Variants in RSAD2 observed in about 807,000 individuals in gnomAD.
The protein encoded by RSAD2 is S-adenosylmethionine-dependent nucleotide dehydratase RSAD2.
Under a neutral mutation model 37.7 loss-of-function variants are expected in RSAD2, and 38 were observed. The ratio of observed to expected loss-of-function variants is 1.01; its 90% CI spans 0.78 to 1.32. RSAD2 has a LOEUF of 1.32. RSAD2 is among the 40% of genes most tolerant of loss of function. The pLI is 0.00. For synonymous variants in RSAD2, 163 were observed against 157.4 expected, an observed-to-expected ratio of 1.04 and a Z score of -0.27; for missense variants, 428 against 437.5, an observed-to-expected ratio of 0.98 and a Z score of 0.19.
chr2:6,892,551 A>G (rs766132463), intron 4 of RSAD2, among the ~76,000 whole-genome samples: 1 of 152,190 alleles, frequency 6.6e-6, no homozygotes, highest in Non-Finnish European at 1.5e-5. Flanking sequence ...GCCGAGTGGT[A>G]GGTACTCATT....
At position 6,865,963 on chromosome 2, in the gene RSAD2, C is replaced by A. The variant is rs948303306; in HGVS notation, c.60C>A (p.Cys20Ter). The A allele has an allele frequency of 1.3e-5, 14 of 1,108,982 alleles. No homozygotes were observed. Among genetic ancestry groups the A allele is most frequent in the Admixed American group, 3.7e-5 (1 of 27,148 alleles). The allele number at this position is 1,108,982 out of a possible 1,614,324, so 68.7% of individuals were successfully genotyped here. A position where few individuals can be genotyped will look rare whatever the true frequency, so the allele number is the denominator to read the frequency against. Residue 20 changes from cysteine to a stop codon, truncating the protein, a stop_gained, in exon 1 of 6, where the codon TGC becomes TGA. Coordinates refer to the RSAD2 transcript ENST00000442639. LOFTEE classifies it high-confidence loss of function. ...ACGCTTGGCCCCGGGGCCCCAGGTGCGCGGCTCCGCGGGCCTGCGCGGTCC... is the reference window on the plus strand; with the variant it reads ...ACGCTTGGCCCCGGGGCCCCAGGTGAGCGGCTCCGCGGGCCTGCGCGGTCC...
At chr2:6,892,267 A>G (rs16865716) in intron 4 of RSAD2, among the ~76,000 whole-genome samples, 104,285 of 152,066 alleles carry the variant, frequency 0.69, 36,134 homozygotes, top group East Asian at 0.75. Context: ...GTTCAAGTTT[A>G]AAAGGTAATG....
intron 5 of RSAD2, among the ~76,000 whole-genome samples, chr2:6,894,253 T>G (rs754226491): frequency 4.6e-5 from 7 of 151,182 alleles, no homozygotes; most frequent in Non-Finnish European, 8.8e-5. Flanking sequence ...AAACCTACCC[T>G]TCTCAAAACT....
intron 1 of RSAD2, among the ~76,000 whole-genome samples, chr2:6,882,594 A>T (rs1663435285): frequency 6.6e-6 from 1 of 152,204 alleles, no homozygotes; most frequent in Admixed American, 6.5e-5. Context: ...GTGAATAAGC[A>T]AATAGTAAAA....
chr2:6,889,994 C>T (rs1558337696), intron 3 of RSAD2, among the ~76,000 whole-genome samples, 182 bp from the exon 4 acceptor site: 1 of 152,160 alleles, frequency 6.6e-6, no homozygotes. Context: ...GTGCTTCTGA[C>T]ACCATATTCC....
chr2:6,882,226 G>A (rs1426482639), intron 1 of RSAD2, among the ~76,000 whole-genome samples: 3 of 151,998 alleles, frequency 2.0e-5, no homozygotes, highest in African/African-American at 7.3e-5. Context: ...AAAAGAAGAG[G>A]CAGACACCAA....
At chr2:6,870,245 A>G (rs1209615529) in intron 1 of RSAD2, among the ~76,000 whole-genome samples, 1 of 152,212 alleles carries the variant, frequency 6.6e-6, no homozygotes, top group Non-Finnish European at 1.5e-5. Flanking sequence ...TCAGAAGCGG[A>G]ATAAGAAAAG....
chr2:6,890,428 G>T, intron 4 of RSAD2, 103 bp downstream of exon 4: 1 of 1,275,790 alleles, frequency 7.8e-7, no homozygotes, highest in South Asian at 1.4e-5. Flanking sequence ...TATTTTAGAG[G>T]GTTCGGTGGT....
intron 4 of RSAD2, among the ~76,000 whole-genome samples, chr2:6,891,641 C>T (rs1663633213): frequency 6.6e-6 from 1 of 152,136 alleles, no homozygotes; most frequent in African/African-American, 2.4e-5. Context: ...GTTGCGGGCG[C>T]CTGTAGTCCC....
In RSAD2 at chr2:6,896,107, G is replaced by A. The variant is rs1297150013; in HGVS notation, c.*165G>A. ...TGGTCACTGAACACACGAATAACTT[G>A]GATAGCAAATCCTGAGACAATGGAA... On this transcript the variant is annotated 3_prime_UTR_variant, in exon 6 of 6. Coordinates refer to ENST00000382040, the MANE Select transcript of RSAD2 (RefSeq NM_080657.5). 3.7e-6 allele frequency: 2 copies of A among 547,614 alleles called. No individual in the cohort carries two copies. The highest frequency in any genetic ancestry group is 5.8e-5 in the East Asian group (2 of 34,646). 33.9% of individuals were successfully genotyped at this position (547,614 alleles called of 1,614,324 possible). A position where few individuals can be genotyped will look rare whatever the true frequency, so the allele number is the denominator to read the frequency against.
intron 4 of RSAD2, among the ~76,000 whole-genome samples, chr2:6,893,135 T>C (rs939913982): frequency 5.3e-5 from 8 of 152,190 alleles, no homozygotes; most frequent in Non-Finnish European, 1.2e-4. Flanking sequence ...AGAATAGGTA[T>C]AGAAGGAATA....
rs1465486397 is a variant in RSAD2 at position 6,897,376 on chromosome 2, C to T, written c.*1434C>T. 1 of 152,184 alleles carries T rather than the reference C, an allele frequency of 6.6e-6. No homozygotes were observed. The highest frequency in any genetic ancestry group is 2.4e-5 in the African/African-American group (1 of 41,448). 9.4% of individuals were successfully genotyped at this position (152,184 alleles called of 1,614,324 possible). ...GTGGCATTTAAATGTCGCCTGATGT[C>T]ATTAAGCACCATCCAAAAAGTCTGC... On this transcript the variant is annotated 3_prime_UTR_variant, in exon 6 of 6. Transcript: ENST00000382040.
chr2:6,870,371 G>A (rs1663182626), intron 1 of RSAD2, among the ~76,000 whole-genome samples: 1 of 152,188 alleles, frequency 6.6e-6, no homozygotes, highest in Non-Finnish European at 1.5e-5. Context: ...TTATTTTAGA[G>A]TATTTTGATA....
At chr2:6,870,346 G>A (rs1572150542) in intron 1 of RSAD2, among the ~76,000 whole-genome samples, 3 of 152,110 alleles carry the variant, frequency 2.0e-5, no homozygotes, top group Non-Finnish European at 4.4e-5. Flanking sequence ...TAATTTCAAG[G>A]AACAGTACTC....
At chr2:6,893,365 C>A (rs958613001) in intron 4 of RSAD2, among the ~76,000 whole-genome samples, 7 of 152,188 alleles carry the variant, frequency 4.6e-5, no homozygotes, top group African/African-American at 1.4e-4. Flanking sequence ...GAAAAGGGCT[C>A]TCCCAAAGTG....
chr2:6,897,277 C>A lies in RSAD2; in HGVS notation c.*1335C>A, dbSNP rs997798650. ...TATCATTGTTTCAAAAAAGCAAAAT[C>A]ATGGAAAATTTTTGTTGTCCAGGCA... On this transcript the variant is annotated 3_prime_UTR_variant, in exon 6 of 6. Transcript: ENST00000382040. 7 of 152,142 alleles carry A rather than the reference C, an allele frequency of 4.6e-5. No individual in the cohort carries two copies. Among genetic ancestry groups the A allele is most frequent in the Admixed American group, 2.0e-4 (3 of 15,274 alleles). The allele number at this position is 152,142 out of a possible 1,614,324, so 9.4% of individuals were successfully genotyped here. A position where few individuals can be genotyped will look rare whatever the true frequency, so the allele number is the denominator to read the frequency against.
At chr2:6,878,764 A>G (rs1663340252) in intron 1 of RSAD2, 3 of 1,071,818 alleles carry the variant, frequency 2.8e-6, no homozygotes, top group Non-Finnish European at 3.6e-6. Flanking sequence ...CGAATGCAAT[A>G]TCTTCCACTC....
intron 1 of RSAD2, among the ~76,000 whole-genome samples, chr2:6,869,964 A>G (rs1338270650): frequency 6.6e-5 from 10 of 152,274 alleles, no homozygotes; most frequent in African/African-American, 2.4e-4. Context: ...TCAAAACACA[A>G]TGGGATTGAT....
intron 1 of RSAD2, among the ~76,000 whole-genome samples, chr2:6,867,916 C>T (rs1441974149): frequency 6.6e-6 from 1 of 152,158 alleles, no homozygotes; most frequent in African/African-American, 2.4e-5. Context: ...GAAGATATAT[C>T]TTCATTCATA....
Sources: gnomAD v4.1 joint callset for allele counts (sites outside exome capture counted in the v4.1 genomes callset) on GRCh38, gnomAD v4.1.1 for gene constraint, MANE v1.5 for transcripts, NCBI Gene and HGNC (gene_info 2026-07-23, HGNC 2026-07-21) for gene names.